Variants in MAP3K1 observed in about 807,000 individuals in gnomAD.
MAP3K1 encodes the protein mitogen-activated protein kinase kinase kinase 1, also known as MAP/ERK kinase kinase 1.
Under a neutral mutation model 144.2 loss-of-function variants are expected in MAP3K1, and 36 were observed. The ratio of observed to expected loss-of-function variants is 0.25; its 90% CI spans 0.19 to 0.33. The LOEUF (loss-of-function observed/expected upper bound fraction) is 0.33. Among genes scored for constraint, MAP3K1 ranks in the 10% least tolerant of loss-of-function variants. The pLI, the probability that MAP3K1 is intolerant of heterozygous loss-of-function variation, is 1.00. For synonymous variants in MAP3K1, 718 were observed against 688.7 expected, an observed-to-expected ratio of 1.04 and a Z score of -0.67; for missense variants, 1,650 against 1,881.9, an observed-to-expected ratio of 0.88 and a Z score of 2.28.
At chr5:56,830,916 A>AT (rs201148665) in intron 1 of MAP3K1, among the ~76,000 whole-genome samples, 17,154 of 146,212 alleles carry the variant, frequency 0.12, 1,257 homozygotes, top group East Asian at 0.3. Context: ...TCTAGGATTG[A>AT]TTTTTTTTTT....
intron 11 of MAP3K1, among the ~76,000 whole-genome samples, chr5:56,879,673 A>G (rs1748147605): frequency 6.6e-6 from 1 of 152,200 alleles, no homozygotes; most frequent in African/African-American, 2.4e-5. Flanking sequence ...TTGAGGTACA[A>G]TGACAGTAAA....
At chr5:56,887,608 A>C (rs1317281647) in intron 18 of MAP3K1, 88 bp downstream of exon 18, 2 of 1,386,626 alleles carry the variant, frequency 1.4e-6, no homozygotes, top group Non-Finnish European at 2.0e-6. Flanking sequence ...AGTGGTATCC[A>C]GTATGTACTT....
Position 56,893,637 on chromosome 5 carries a change from C to T in MAP3K1, c.4496C>T (p.Ser1499Leu). ...CTTCAACCTCAGGACAGACCTCCATCAAGAGAGCTACTGAAGCATCCAGTC... is the reference window on the plus strand; with the variant it reads ...CTTCAACCTCAGGACAGACCTCCATTAAGAGAGCTACTGAAGCATCCAGTC... ...LELQPQDRPP[S>L]RELLKHPVFR... The change falls in exon 20 of 20, where the codon TCA (serine) becomes TTA (leucine). Residue 1499 changes from serine (S) to leucine (L), a missense_variant. Physicochemically the swap from Ser to Leu is moderately radical, Grantham distance 145 (BLOSUM62 -2). Around this residue, in one of 6 missense-constraint regions of MAP3K1, gnomAD observed 165 missense variants for 322.9 expected, o/e 0.51. Transcript: ENST00000399503. The T allele has an allele frequency of 6.2e-7, 1 of 1,613,972 alleles. No individual in the cohort carries two copies. Among genetic ancestry groups the T allele is most frequent in the Non-Finnish European group, 8.5e-7 (1 of 1,179,876 alleles).
intron 1 of MAP3K1, among the ~76,000 whole-genome samples, chr5:56,836,445 A>G (rs578243212): frequency 6.6e-6 from 1 of 152,252 alleles, no homozygotes; most frequent in East Asian, 1.9e-4. Flanking sequence ...TAGTTTTTAG[A>G]GAGTTAATTT....
At chr5:56,860,049 G>C (rs1053891771) in intron 3 of MAP3K1, 134 bp downstream of exon 3, 35 of 820,522 alleles carry the variant, frequency 4.3e-5, no homozygotes, top group East Asian at 2.1e-4. Flanking sequence ...AGGATGGGGG[G>C]GGTGGTTCCT....
At chr5:56,832,678 A>G (rs1746531548) in intron 1 of MAP3K1, among the ~76,000 whole-genome samples, 1 of 152,200 alleles carries the variant, frequency 6.6e-6, no homozygotes, top group Non-Finnish European at 1.5e-5. Flanking sequence ...ATCAAGAGGT[A>G]AGTTTGTTTA....
chr5:56,854,902 A>G (rs1747290842), intron 1 of MAP3K1, among the ~76,000 whole-genome samples: 1 of 152,192 alleles, frequency 6.6e-6, no homozygotes, highest in African/African-American at 2.4e-5. Flanking sequence ...CCTGGGAACC[A>G]AACCACCTCT....
intron 7 of MAP3K1, 100 bp from the exon 8 acceptor site, chr5:56,872,541 G>A (rs937378000): frequency 8.2e-6 from 6 of 731,544 alleles, no homozygotes; most frequent in Admixed American, 2.5e-5. Flanking sequence ...TTATTTTTGA[G>A]GTTCCTTCTA....
intron 18 of MAP3K1, chr5:56,888,016 T>A (rs1748437585): frequency 1.7e-6 from 1 of 590,312 alleles, no homozygotes; most frequent in Non-Finnish European, 3.0e-6. Context: ...GATGGGACTC[T>A]GCTTCAGAAT....
intron 3 of MAP3K1, among the ~76,000 whole-genome samples, chr5:56,860,972 A>G (rs150281027): frequency 9.4e-4 from 143 of 152,320 alleles, no homozygotes; most frequent in Non-Finnish European, 1.7e-3. Context: ...TGAGCTTGAC[A>G]GCCTCCCAGT....
chr5:56,865,784 A>C, intron 5 of MAP3K1, 45 bp from the exon 6 acceptor site: 1 of 1,600,480 alleles, frequency 6.2e-7, no homozygotes, highest in Non-Finnish European at 8.6e-7. Context: ...TCATATGTAT[A>C]ATTATGGCAC....
At chr5:56,865,707 AAGCTCTTAAAT>A (rs1304968385) in intron 5 of MAP3K1, 111 bp from the exon 6 acceptor site, 1 of 1,061,528 alleles carries the variant, frequency 9.4e-7, no homozygotes, top group Non-Finnish European at 1.4e-6. Context: ...CTTATTTTTG[AAGCTCTTAAAT>A]CAACTTTATG....
chr5:56,828,159 A>G (rs972626405), intron 1 of MAP3K1, among the ~76,000 whole-genome samples: 4 of 152,224 alleles, frequency 2.6e-5, no homozygotes, highest in Non-Finnish European at 5.9e-5. Flanking sequence ...CGGTTTGTGT[A>G]GATAATACAT....
chr5:56,881,732 C>T lies in MAP3K1; in HGVS notation c.2532C>T (p.Ser844=). The part of the protein sequence containing the change: ...FSKLLEMLSV[S]SSTHFTRMRR... ...AACTGTTAGAAATGCTGAGTGTTTC[C>T]AGTTCCACTCACTTCACCAGGATGC... Residue 844 remains serine (S), a synonymous_variant, in exon 14 of 20, where the codon TCC becomes TCT. Transcript: ENST00000399503. 1.2e-6 allele frequency: 2 copies of T among 1,614,046 alleles called. No homozygotes were observed. The highest frequency in any genetic ancestry group is 1.7e-6 in the Non-Finnish European group (2 of 1,180,004).
At position 56,885,968 on chromosome 5, in the gene MAP3K1, C is replaced by G. The variant is rs370225040; in HGVS notation, c.4019C>G (p.Ala1340Gly). Residue 1340 changes from alanine (A) to glycine (G), a missense_variant, in exon 17 of 20, where the codon GCC becomes GGC. Ala to Gly is a moderately conservative substitution (Grantham distance 60). Around this residue, in one of 6 missense-constraint regions of MAP3K1, gnomAD observed 165 missense variants for 322.9 expected, o/e 0.51. Coordinates refer to ENST00000399503, the MANE Select transcript of MAP3K1 (RefSeq NM_005921.2). ...SVAHLLSKYGAFKESVVINYT... is the reference protein window; with the variant it reads ...SVAHLLSKYGGFKESVVINYT... ...GCTCATTTGCTGAGTAAATATGGAG[C>G]CTTCAAAGAATCAGTAGTTATTAAC... 1 of 1,612,318 alleles carries G rather than the reference C, an allele frequency of 6.2e-7. No homozygotes were observed. Among genetic ancestry groups the G allele is most frequent in the Non-Finnish European group, 8.5e-7 (1 of 1,178,572 alleles).
chr5:56,855,554 A>ATTTTTTTTTTTT (rs571477544), intron 1 of MAP3K1, among the ~76,000 whole-genome samples: 2 of 151,472 alleles, frequency 1.3e-5, no homozygotes, highest in African/African-American at 4.9e-5. Context: ...TCTAGTGAAT[A>ATTTTTTTTTTTT]TTTTTTTTTA....
intron 1 of MAP3K1, among the ~76,000 whole-genome samples, chr5:56,853,349 ACAT>A (rs1747234431): frequency 6.6e-6 from 1 of 152,224 alleles, no homozygotes; most frequent in South Asian, 2.1e-4. Flanking sequence ...GTTCTGAACA[ACAT>A]CTAAATTGCA....
chr5:56,828,146 A>C (rs530116977), intron 1 of MAP3K1, among the ~76,000 whole-genome samples: 34 of 152,216 alleles, frequency 2.2e-4, no homozygotes, highest in Non-Finnish European at 4.9e-4. Context: ...AGGTTAGCAA[A>C]GGCGGTTTGT....
intron 11 of MAP3K1, 36 bp downstream of exon 11, chr5:56,879,137 T>C (rs1748127396): frequency 6.2e-7 from 1 of 1,613,392 alleles, no homozygotes; most frequent in Non-Finnish European, 8.5e-7. Context: ...CAAACCCTCT[T>C]GTCTTAAAAG....
Sources: gnomAD v4.1 joint callset for allele counts (sites outside exome capture counted in the v4.1 genomes callset) on GRCh38, gnomAD v4.1.1 for gene constraint, gnomAD v4.1.1 regional missense constraint, MANE v1.5 for transcripts, NCBI Gene and HGNC (gene_info 2026-07-23, HGNC 2026-07-21) for gene names.